The following NHSL1 variants were observed in gnomAD, a reference collection of about 807,000 sequenced individuals.
NHSL1 encodes the protein NHS like 1, also known as NHS-like protein 1.
In NHSL1, 48 loss-of-function variants were observed where a neutral mutation model predicts 95.0. That is an observed-to-expected ratio of 0.51 (90% confidence interval 0.40 to 0.64). The LOEUF is 0.64. NHSL1 is among the 30% of genes least tolerant of loss of function. NHSL1 has a pLI of 0.00. For missense variants in NHSL1, 1,971 were observed against 2,077.7 expected, an observed-to-expected ratio of 0.95 and a Z score of 1.00; for synonymous variants, 783 against 833.9, an observed-to-expected ratio of 0.94 and a Z score of 1.05.
intron 1 of NHSL1, among the ~76,000 whole-genome samples, chr6:138,580,693 C>T (rs571025442): frequency 9.8e-5 from 15 of 152,322 alleles, no homozygotes; most frequent in African/African-American, 3.6e-4. Context: ...CCAACACAAT[C>T]GTTTGGCAAA....
intron 4 of NHSL1, among the ~76,000 whole-genome samples, chr6:138,443,787 G>A (rs1220215498): frequency 6.6e-6 from 1 of 152,142 alleles, no homozygotes; most frequent in Non-Finnish European, 1.5e-5. Context: ...CCGAGATTGC[G>A]CCACTGCATG....
chr6:138,638,236 T>C (rs932460064), intron 1 of NHSL1, among the ~76,000 whole-genome samples: 1 of 152,084 alleles, frequency 6.6e-6, no homozygotes, highest in Non-Finnish European at 1.5e-5. Flanking sequence ...GGGTGGGTGA[T>C]GGTTAATAGG....
intron 1 of NHSL1, among the ~76,000 whole-genome samples, chr6:138,614,366 G>T (rs1784551944): frequency 6.6e-6 from 1 of 152,162 alleles, no homozygotes; most frequent in Non-Finnish European, 1.5e-5. Flanking sequence ...TCTGGTGATG[G>T]CCTCGTGAAA....
intron 5 of NHSL1, chr6:138,435,399 T>C (rs1325367598): frequency 3.3e-5 from 5 of 152,354 alleles, no homozygotes; most frequent in Non-Finnish European, 5.9e-5. Context: ...CCTGATACTT[T>C]TGGGTAGCAG....
intron 7 of NHSL1, among the ~76,000 whole-genome samples, chr6:138,428,490 A>C (rs778879086): frequency 6.6e-6 from 1 of 152,218 alleles, no homozygotes; most frequent in Non-Finnish European, 1.5e-5. Flanking sequence ...TTCTAATGAG[A>C]CTGAAGAAAC....
At chr6:138,640,057 G>A (rs558254365) in intron 1 of NHSL1, among the ~76,000 whole-genome samples, 19 of 151,982 alleles carry the variant, frequency 1.3e-4, no homozygotes, top group Admixed American at 4.6e-4. Context: ...TGTTACATGC[G>A]AATTGGTAAA....
At chr6:138,667,250 G>C (rs536570796) in intron 1 of NHSL1, among the ~76,000 whole-genome samples, 36 of 152,274 alleles carry the variant, frequency 2.4e-4, no homozygotes, top group Non-Finnish European at 3.4e-4. Context: ...AAAGAGGCAA[G>C]AGGAGTCCCA....
At chr6:138,476,723 A>G (rs907633211) in intron 2 of NHSL1, among the ~76,000 whole-genome samples, 1 of 151,926 alleles carries the variant, frequency 6.6e-6, no homozygotes, top group Non-Finnish European at 1.5e-5. Flanking sequence ...AGCTACTTGG[A>G]AGGCTGAGGC....
At chr6:138,482,174 C>A (rs183382060) in intron 2 of NHSL1, among the ~76,000 whole-genome samples, 140 of 152,284 alleles carry the variant, frequency 9.2e-4, no homozygotes, top group African/African-American at 3.2e-3. Context: ...TGAAGCCGGG[C>A]GTGGTGGCTC....
chr6:138,538,517 C>G (rs1193807835), intron 1 of NHSL1, among the ~76,000 whole-genome samples: 3 of 152,172 alleles, frequency 2.0e-5, no homozygotes, highest in Non-Finnish European at 4.4e-5. Flanking sequence ...CTTTGCCTTC[C>G]CTTTCCTAAG....
At chr6:138,630,521 G>A (rs1784805138) in intron 1 of NHSL1, among the ~76,000 whole-genome samples, 1 of 151,988 alleles carries the variant, frequency 6.6e-6, no homozygotes, top group South Asian at 2.1e-4. Context: ...GAGTAGCTGG[G>A]ATTAAAGGCG....
intron 1 of NHSL1, among the ~76,000 whole-genome samples, chr6:138,621,065 G>A (rs1301149143): frequency 2.6e-5 from 4 of 152,206 alleles, no homozygotes; most frequent in African/African-American, 9.6e-5. Flanking sequence ...CCAGGCCCCA[G>A]TGGCACCACC....
intron 2 of NHSL1, among the ~76,000 whole-genome samples, chr6:138,475,905 G>A (rs1230862200): frequency 6.6e-6 from 1 of 152,214 alleles, no homozygotes; most frequent in Non-Finnish European, 1.5e-5. Context: ...AGAGGTTGCA[G>A]TGAGCTGAGA....
chr6:138,430,947 G>C lies in NHSL1; in HGVS notation c.3398C>G (p.Ser1133Cys). 2 of 1,551,710 alleles carry C rather than the reference G, an allele frequency of 1.3e-6. No homozygotes were observed. The highest frequency in any genetic ancestry group is 1.7e-6 in the Non-Finnish European group (2 of 1,146,922). The part of the protein sequence containing the change: ...NEMESESQPA[S>C]VTSSLPTPAK... Reference sequence around the variant, plus strand: ...AGGCGTCGGAAGCGAGCTTGTCACAGAGGCAGGCTGGCTTTCACTCTCCAT... The same window carrying C: ...AGGCGTCGGAAGCGAGCTTGTCACACAGGCAGGCTGGCTTTCACTCTCCAT... The change falls in exon 6 of 8, where the codon TCT becomes TGT. Residue 1133 changes from serine to cysteine, a missense_variant. Ser to Cys is a moderately radical substitution (Grantham distance 112, BLOSUM62 -1). Coordinates refer to ENST00000343505, the MANE Select transcript of NHSL1 (RefSeq NM_001144060.2). This position sits in a 1 kb window ranked among gnomAD's most constrained non-coding sequence, Gnocchi z 4.7.
chr6:138,569,279 G>C (rs1484852232), intron 1 of NHSL1, among the ~76,000 whole-genome samples: 2 of 152,002 alleles, frequency 1.3e-5, no homozygotes, highest in African/African-American at 4.8e-5. Flanking sequence ...GTGAGAGAGA[G>C]AGAGAGAAAG....
chr6:138,525,173 C>T (rs1021883549), intron 1 of NHSL1, among the ~76,000 whole-genome samples: 2 of 151,902 alleles, frequency 1.3e-5, no homozygotes, highest in Admixed American at 6.6e-5. Flanking sequence ...GCTCTAAGTT[C>T]GATTCTGGGT....
At chr6:138,466,425 T>C (rs1031432134) in intron 3 of NHSL1, among the ~76,000 whole-genome samples, 3 of 152,232 alleles carry the variant, frequency 2.0e-5, no homozygotes, top group Non-Finnish European at 2.9e-5. Context: ...ATGAATGATT[T>C]TTCTGTTTCT....
At chr6:138,498,781 T>C (rs1400030773) in intron 1 of NHSL1, among the ~76,000 whole-genome samples, 1 of 152,130 alleles carries the variant, frequency 6.6e-6, no homozygotes, top group Non-Finnish European at 1.5e-5. Flanking sequence ...GGGGATTATC[T>C]CCACCAGAAA....
chr6:138,446,961 C>T (rs1776901129), intron 4 of NHSL1, 40 bp downstream of exon 4: 1 of 1,538,586 alleles, frequency 6.5e-7, no homozygotes, highest in Admixed American at 2.0e-5. Context: ...TAGTCATTCT[C>T]CCAAGTACAT....
Sources: gnomAD v4.1 joint callset for allele counts (sites outside exome capture counted in the v4.1 genomes callset) on GRCh38, gnomAD v4.1.1 for gene constraint, Gnocchi (gnomAD v3.1) non-coding constraint, MANE v1.5 for transcripts, NCBI Gene and HGNC (gene_info 2026-07-23, HGNC 2026-07-21) for gene names.